PRKG1: variants seen among roughly 807,000 people sequenced by gnomAD.
PRKG1 encodes protein kinase cGMP-dependent 1.
Under a neutral mutation model 88.1 loss-of-function variants are expected in PRKG1, and 35 were observed. The ratio of observed to expected loss-of-function variants is 0.40; its 90% CI spans 0.30 to 0.53. The LOEUF is 0.53. PRKG1 is among the 20% of genes least tolerant of loss of function. The pLI is 0.59. For missense variants in PRKG1, 540 were observed against 839.8 expected (o/e 0.64, Z 4.41); for synonymous variants, 303 against 292.5 (o/e 1.04, Z -0.37).
At chr10:52,169,733 A>C (rs1175872596) in intron 9 of PRKG1, among the ~76,000 whole-genome samples, 1 of 152,238 alleles carries the variant, frequency 6.6e-6, no homozygotes, top group Non-Finnish European at 1.5e-5. Context: ...AAATGAATCT[A>C]ATTTTCAGAA....
chr10:51,392,625 G>C (rs7077964), intron 2 of PRKG1, among the ~76,000 whole-genome samples: 125,177 of 150,566 alleles, frequency 0.83, 52,518 homozygotes, highest in African/African-American at 0.88. Context: ...TCATCATGGC[G>C]CGTTCTCAAT....
chr10:51,778,017 G>A (rs1838485288), intron 3 of PRKG1, among the ~76,000 whole-genome samples: 1 of 152,116 alleles, frequency 6.6e-6, no homozygotes, highest in Non-Finnish European at 1.5e-5. Flanking sequence ...CCTCCTGAAA[G>A]ACATTTTGAT....
chr10:51,731,193 A>T (rs971039249), intron 3 of PRKG1, among the ~76,000 whole-genome samples: 2 of 152,266 alleles, frequency 1.3e-5, no homozygotes, highest in South Asian at 4.1e-4. Context: ...CCCACTTCTG[A>T]TAAGGTCTTA....
intron 1 of PRKG1, among the ~76,000 whole-genome samples, chr10:51,063,392 C>T (rs893255870): frequency 6.6e-6 from 1 of 152,078 alleles, no homozygotes; most frequent in Non-Finnish European, 1.5e-5. Context: ...GCGTATTGCT[C>T]CCAAGCTACA....
intron 5 of PRKG1, among the ~76,000 whole-genome samples, chr10:51,992,888 G>C (rs776883480): frequency 8.5e-5 from 13 of 152,128 alleles, no homozygotes; most frequent in Non-Finnish European, 1.5e-4. Context: ...TAGATATCTA[G>C]AGTGATCTGT....
intron 9 of PRKG1, among the ~76,000 whole-genome samples, chr10:52,242,971 C>G (rs1025559173): frequency 1.3e-5 from 2 of 152,030 alleles, no homozygotes; most frequent in African/African-American, 2.4e-5. Context: ...TTATTTCAAA[C>G]TGTAAAAAAA....
intron 5 of PRKG1, among the ~76,000 whole-genome samples, chr10:51,952,602 TTAAG>T (rs1190826224): frequency 1.3e-5 from 2 of 152,214 alleles, no homozygotes; most frequent in African/African-American, 2.4e-5. Flanking sequence ...TTAATAAATA[TTAAG>T]TGTCATTGTT....
At position 51,346,693 on chromosome 10, in the gene PRKG1, A is replaced by G. The variant is rs765729912; in HGVS notation, c.479-121030A>G. 3.9e-5 allele frequency among the ~76,000 whole-genome samples: 6 copies of G among 152,230 alleles called. No individual in the cohort carries two copies. The East Asian group carries it at 9.6e-4, about 24-fold the overall frequency. ...AAGCAATCACTTTTTCTGTTATCCAACTGACATTTCCTTCATGAGTATAAC... is the reference window on the plus strand; with the variant it reads ...AAGCAATCACTTTTTCTGTTATCCAGCTGACATTTCCTTCATGAGTATAAC... On this transcript the variant is annotated intron_variant, in intron 2 of 17. Coordinates refer to ENST00000373980, the MANE Select transcript of PRKG1 (RefSeq NM_006258.4).
chr10:52,009,979 T>C (rs764276164), intron 5 of PRKG1, among the ~76,000 whole-genome samples: 18 of 152,160 alleles, frequency 1.2e-4, no homozygotes, highest in Non-Finnish European at 1.9e-4. Flanking sequence ...ATATGGAAGA[T>C]TGAAACTGGA....
intron 3 of PRKG1, among the ~76,000 whole-genome samples, chr10:51,574,719 G>A (rs1377787420): frequency 6.6e-6 from 1 of 151,944 alleles, no homozygotes; most frequent in African/African-American, 2.4e-5. Flanking sequence ...ATCAAGTTAT[G>A]TTAAGCTTCT....
intron 3 of PRKG1, among the ~76,000 whole-genome samples, chr10:51,709,450 G>A (rs1463500727): frequency 1.3e-5 from 2 of 152,194 alleles, no homozygotes; most frequent in African/African-American, 4.8e-5. Flanking sequence ...AGTACAATGA[G>A]AAACTTTTCT....
chr10:51,316,985 C>T (rs1270207034), intron 2 of PRKG1, among the ~76,000 whole-genome samples: 2 of 152,170 alleles, frequency 1.3e-5, no homozygotes, highest in Non-Finnish European at 2.9e-5. Flanking sequence ...TTCCCACACA[C>T]AATCTGCAGG....
rs547330864 is a variant in PRKG1, at chr10:52,137,123, G to A, written c.1001+3218G>A. 1.2e-3 allele frequency among the ~76,000 whole-genome samples: 180 copies of A among 152,156 alleles called. 1 individual carries two copies. Among genetic ancestry groups the A allele is most frequent in the Non-Finnish European group, 2.4e-3 (160 of 67,980 alleles). On this transcript the variant is annotated intron_variant, in intron 8 of 17. Coordinates refer to ENST00000373980, the MANE Select transcript of PRKG1 (RefSeq NM_006258.4). ...GACATTAGCACTGTCAACAAAAGTA[G>A]CTTCCTTTACAAATTTACAAGCGAG...
At chr10:51,610,083 A>G (rs1216579505) in intron 3 of PRKG1, among the ~76,000 whole-genome samples, 1 of 152,206 alleles carries the variant, frequency 6.6e-6, no homozygotes, top group Non-Finnish European at 1.5e-5. Context: ...ATAATGATTA[A>G]GTCAGGACAT....
At chr10:52,090,312 G>A (rs932264930) in intron 7 of PRKG1, among the ~76,000 whole-genome samples, 1 of 151,928 alleles carries the variant, frequency 6.6e-6, no homozygotes. Flanking sequence ...CTCCCAATGG[G>A]CAAAGCTAAA....
intron 5 of PRKG1, among the ~76,000 whole-genome samples, chr10:51,920,843 A>G (rs11000130): frequency 0.18 from 26,840 of 152,006 alleles, 2,960 homozygotes; most frequent in Non-Finnish European, 0.24. Context: ...TTTTAGGTTT[A>G]CAGAAAAACT....
intron 7 of PRKG1, among the ~76,000 whole-genome samples, chr10:52,074,149 T>A (rs1361384318): frequency 6.6e-6 from 1 of 152,208 alleles, no homozygotes; most frequent in Non-Finnish European, 1.5e-5. Flanking sequence ...AAATTATCAG[T>A]AACTGACCAG....
chr10:51,805,347 T>C (rs1589302145), intron 4 of PRKG1, among the ~76,000 whole-genome samples: 1 of 152,138 alleles, frequency 6.6e-6, no homozygotes, highest in South Asian at 2.1e-4. Context: ...TAGGAATACA[T>C]TGATACTCAC....
chr10:51,716,642 C>T (rs1028973991), intron 3 of PRKG1, among the ~76,000 whole-genome samples: 1 of 152,110 alleles, frequency 6.6e-6, no homozygotes, highest in African/African-American at 2.4e-5. Context: ...CTGGTTTTGT[C>T]TCTCTCTTGA....
Sources: gnomAD v4.1 joint callset for allele counts (sites outside exome capture counted in the v4.1 genomes callset) on GRCh38, gnomAD v4.1.1 for gene constraint, MANE v1.5 for transcripts, NCBI Gene and HGNC (gene_info 2026-07-23, HGNC 2026-07-21) for gene names.